The following IFT80 variants were observed in gnomAD, a reference collection of about 807,000 sequenced individuals.
IFT80 encodes the protein intraflagellar transport protein 80 homolog.
IFT80 carries 79 observed loss-of-function variants against 107.9 expected under a neutral mutation model. The ratio of observed to expected loss-of-function variants is 0.73; its 90% CI spans 0.61 to 0.88. The LOEUF (loss-of-function observed/expected upper bound fraction) is 0.88. Among genes scored for constraint, IFT80 ranks in the 40% least tolerant of loss-of-function variants. The pLI is 0.00. For missense variants in IFT80, 797 were observed against 914.2 expected, an observed-to-expected ratio of 0.87 and a Z score of 1.65; for synonymous variants, 299 against 300.9, an observed-to-expected ratio of 0.99 and a Z score of 0.07.
chr3:160,329,332 C>T (rs1394153047), intron 8 of IFT80, among the ~76,000 whole-genome samples: 1 of 152,076 alleles, frequency 6.6e-6, no homozygotes, highest in Non-Finnish European at 1.5e-5. Flanking sequence ...TATTACTACC[C>T]TCTAAAAGGG....
rs750614416 is a variant in IFT80 at position 160,356,122 on chromosome 3, TAC to T, written c.666_667del (p.Tyr223GlnfsTer6). On this transcript the variant is annotated frameshift_variant, in exon 8 of 20. Transcript: ENST00000326448. LOFTEE classifies it high-confidence loss of function. ...GGGATGCTCATGAGGTTGTGAATTG[TAC>T]AGTGGGCGGCCGTAACTATCCCATA... The T allele has an allele frequency of 6.2e-7, 1 of 1,614,164 alleles. No homozygotes were observed. The highest frequency in any genetic ancestry group is 2.2e-5 in the East Asian group (1 of 44,878).
chr3:160,263,133 T>C (rs78233660), intron 19 of IFT80, among the ~76,000 whole-genome samples: 5,454 of 152,254 alleles, frequency 0.036, 295 homozygotes, highest in African/African-American at 0.11. Flanking sequence ...TTTAGATTAA[T>C]GGCATTCCCA....
rs578139930 is a variant in IFT80 at position 160,318,820 on chromosome 3, T to C, written c.957+940A>G. Among the ~76,000 whole-genome samples, 28 of 152,220 alleles carry C rather than the reference T, an allele frequency of 1.8e-4. No individual in the cohort carries two copies. The South Asian group carries it at 3.5e-3, about 19-fold the overall frequency. ...CAGCAGGAGGTCAGTCTGACCTTCC[T>C]CTACTCTTCTTCCCTAATACAGGTC... On this transcript the variant is annotated intron_variant, in intron 9 of 19. Transcript: ENST00000326448.
chr3:160,301,174 T>C (rs1716398053), intron 11 of IFT80, 128 bp from the exon 12 acceptor site: 4 of 912,890 alleles, frequency 4.4e-6, no homozygotes, highest in East Asian at 2.9e-5. Flanking sequence ...TGTGTAGATA[T>C]ATAAGGAACA....
At chr3:160,393,650 T>C (rs1476270987) in intron 1 of IFT80, among the ~76,000 whole-genome samples, 1 of 152,118 alleles carries the variant, frequency 6.6e-6, no homozygotes, top group East Asian at 1.9e-4. Context: ...CACTGAACTG[T>C]ACACTTTAAA....
At chr3:160,338,547 G>C (rs767862856) in intron 8 of IFT80, among the ~76,000 whole-genome samples, 13 of 151,884 alleles carry the variant, frequency 8.6e-5, no homozygotes, top group Non-Finnish European at 1.6e-4. Flanking sequence ...TGGGAGGATT[G>C]CTTGAGCCTG....
chr3:160,362,390 C>G (rs1163726707), intron 6 of IFT80, among the ~76,000 whole-genome samples: 1 of 151,996 alleles, frequency 6.6e-6, no homozygotes, highest in Admixed American at 6.6e-5. Context: ...ACCTACCAAC[C>G]AAAAAAAGTC....
intron 9 of IFT80, among the ~76,000 whole-genome samples, chr3:160,315,175 T>C (rs75720231): frequency 0.068 from 10,281 of 151,712 alleles, 1,043 homozygotes; most frequent in African/African-American, 0.22. Context: ...TGAATCCACA[T>C]GTTGCAAGTG....
chr3:160,306,219 C>CA (rs575606206), intron 10 of IFT80, among the ~76,000 whole-genome samples: 4 of 151,810 alleles, frequency 2.6e-5, no homozygotes, highest in African/African-American at 7.3e-5. Context: ...GTAGAGTGAC[C>CA]AAAAAAATTA....
intron 12 of IFT80, among the ~76,000 whole-genome samples, chr3:160,286,234 GTTA>G (rs1263902316): frequency 1.3e-5 from 2 of 152,116 alleles, no homozygotes; most frequent in Non-Finnish European, 2.9e-5. Flanking sequence ...TCCTTTGAAG[GTTA>G]ACTGAAAATC....
intron 9 of IFT80, among the ~76,000 whole-genome samples, chr3:160,308,517 T>A (rs796774672): frequency 2.0e-5 from 3 of 152,156 alleles, no homozygotes; most frequent in South Asian, 4.1e-4. Context: ...TAAATTTACG[T>A]ATCTCTGGTC....
intron 7 of IFT80, among the ~76,000 whole-genome samples, chr3:160,357,203 G>A (rs1057299389): frequency 6.6e-6 from 1 of 152,076 alleles, no homozygotes; most frequent in African/African-American, 2.4e-5. Context: ...GTGCTCAAGT[G>A]ATCCACTCAC....
At chr3:160,389,802 T>C (rs1172383154) in intron 1 of IFT80, among the ~76,000 whole-genome samples, 3 of 152,148 alleles carry the variant, frequency 2.0e-5, no homozygotes. Flanking sequence ...CGTGTGCATG[T>C]GTCTTTATAG....
intron 11 of IFT80, among the ~76,000 whole-genome samples, chr3:160,303,493 C>T (rs994405764): frequency 6.6e-6 from 1 of 152,256 alleles, no homozygotes. Flanking sequence ...CAGAAAAGAA[C>T]AGAATAGAAA....
At chr3:160,346,705 G>T (rs71312298) in intron 8 of IFT80, among the ~76,000 whole-genome samples, 12,913 of 151,364 alleles carry the variant, frequency 0.085, 713 homozygotes, top group South Asian at 0.17. Context: ...TCTCCATTCC[G>T]TTATCTCAGT....
chr3:160,394,445 T>C (rs1342750271), intron 1 of IFT80: 1 of 152,202 alleles, frequency 6.6e-6, no homozygotes, highest in Non-Finnish European at 1.5e-5. Context: ...ATGGTTTAAT[T>C]AGTAAAGACC....
intron 8 of IFT80, among the ~76,000 whole-genome samples, chr3:160,346,600 T>C (rs1720313002): frequency 6.6e-6 from 1 of 152,152 alleles, no homozygotes; most frequent in Admixed American, 6.5e-5. Flanking sequence ...CCAACAAGGC[T>C]TGCATTGTTG....
At chr3:160,321,530 C>G (rs1397191783) in intron 8 of IFT80, among the ~76,000 whole-genome samples, 1 of 151,828 alleles carries the variant, frequency 6.6e-6, no homozygotes, top group African/African-American at 2.4e-5. Flanking sequence ...CCAGTGGAAG[C>G]CTGAAACTAT....
intron 10 of IFT80, among the ~76,000 whole-genome samples, chr3:160,307,175 T>C (rs1716887865): frequency 6.6e-6 from 1 of 152,122 alleles, no homozygotes; most frequent in Non-Finnish European, 1.5e-5. Flanking sequence ...TGAGACAGGG[T>C]CTCACTCTGT....
Sources: gnomAD v4.1 joint callset for allele counts (sites outside exome capture counted in the v4.1 genomes callset) on GRCh38, gnomAD v4.1.1 for gene constraint, MANE v1.5 for transcripts, NCBI Gene and HGNC (gene_info 2026-07-23, HGNC 2026-07-21) for gene names.